COG5: variants seen among roughly 807,000 people sequenced by gnomAD.
The protein encoded by COG5 is conserved oligomeric Golgi complex subunit 5.
A neutral mutation model predicts 110.4 loss-of-function variants in COG5; 86 were observed. That is an observed-to-expected ratio of 0.78 (90% CI 0.65 to 0.93). The LOEUF is 0.93. Ranked by LOEUF, COG5 falls within the 40% of genes least tolerant of loss-of-function variation. The probability of loss-of-function intolerance (pLI) is 0.00; values close to 1 mark genes in which losing one functional copy is unlikely to be tolerated. For missense variants in COG5, 1,077 were observed against 987.0 expected, an observed-to-expected ratio of 1.09 and a Z score of -1.22; for synonymous variants, 360 against 334.6, an observed-to-expected ratio of 1.08 and a Z score of -0.83.
intron 5 of COG5, among the ~76,000 whole-genome samples, chr7:107,546,223 C>A (rs940992378): frequency 6.6e-6 from 1 of 152,038 alleles, no homozygotes; most frequent in Non-Finnish European, 1.5e-5. Context: ...AAAAGCAGTT[C>A]TAAGACGAAA....
chr7:107,251,734 G>A (rs1487018630), intron 16 of COG5, among the ~76,000 whole-genome samples: 1 of 152,114 alleles, frequency 6.6e-6, no homozygotes, highest in Non-Finnish European at 1.5e-5. Flanking sequence ...AACGTTAAAT[G>A]TTTATTTGTG....
chr7:107,529,119 C>T (rs1800991448), intron 5 of COG5, among the ~76,000 whole-genome samples: 1 of 149,434 alleles, frequency 6.7e-6, no homozygotes, highest in Non-Finnish European at 1.5e-5. Flanking sequence ...TATCCGTTTT[C>T]TGAATAGATA....
chr7:107,507,774 A>G (rs1799139828), intron 6 of COG5, among the ~76,000 whole-genome samples: 1 of 152,178 alleles, frequency 6.6e-6, no homozygotes, highest in South Asian at 2.1e-4. Flanking sequence ...TTGTTTTATC[A>G]GATTAAGAAA....
chr7:107,261,253 G>C (rs1008155854), intron 14 of COG5, among the ~76,000 whole-genome samples: 2 of 151,996 alleles, frequency 1.3e-5, no homozygotes, highest in Non-Finnish European at 2.9e-5. Context: ...AAGGAATACT[G>C]TATGTTCTCT....
intron 14 of COG5, among the ~76,000 whole-genome samples, chr7:107,262,662 C>G (rs567895791): frequency 1.3e-5 from 2 of 152,086 alleles, no homozygotes; most frequent in African/African-American, 2.4e-5. Flanking sequence ...TGCTCCTAAG[C>G]CCCTAGGAGA....
intron 6 of COG5, among the ~76,000 whole-genome samples, chr7:107,514,489 A>G (rs1385581029): frequency 1.3e-5 from 2 of 152,214 alleles, no homozygotes; most frequent in African/African-American, 4.8e-5. Flanking sequence ...AGAAAGTACA[A>G]TAATAATGTG....
chr7:107,262,878 A>G (rs971630218), intron 14 of COG5, among the ~76,000 whole-genome samples: 2 of 152,216 alleles, frequency 1.3e-5, no homozygotes, highest in African/African-American at 4.8e-5. Flanking sequence ...GGAACTAATA[A>G]TACAGTTTAT....
At chr7:107,364,834 A>T (rs1813452421) in intron 8 of COG5, among the ~76,000 whole-genome samples, 1 of 152,104 alleles carries the variant, frequency 6.6e-6, no homozygotes, top group Non-Finnish European at 1.5e-5. Flanking sequence ...TATGAGAAAG[A>T]TGTTGGCTTA....
In COG5 at chr7:107,511,717, C is replaced by T. The variant is rs534341027; in HGVS notation, c.538+15520G>A. Among the ~76,000 whole-genome samples the T allele has an allele frequency of 2.1e-4, 32 of 152,290 alleles. 1 individual carries two copies. The East Asian group carries it at 5.8e-3, about 28-fold the overall frequency. The stretch of plus-strand genomic sequence containing the variant: ...CTACCATGATCAAGTGGGCTTCATC[C>T]CTGGGATGCAAGGCTGGTTTAACAT... On this transcript the variant is annotated intron_variant, in intron 6 of 21. Transcript: ENST00000297135.
At chr7:107,516,841 C>G (rs1799955678) in intron 6 of COG5, among the ~76,000 whole-genome samples, 1 of 152,120 alleles carries the variant, frequency 6.6e-6, no homozygotes, top group Non-Finnish European at 1.5e-5. Flanking sequence ...CACAAAAACC[C>G]CACCCAAAGG....
intron 16 of COG5, among the ~76,000 whole-genome samples, chr7:107,251,205 C>T (rs1802478814): frequency 6.7e-6 from 1 of 149,468 alleles, no homozygotes. Context: ...TATCAGAAAG[C>T]ATGGAGGCCA....
Position 107,364,131 on chromosome 7 carries a change from A to G in COG5, c.836-1711T>C, listed in dbSNP as rs529612549. On this transcript the variant is annotated intron_variant, in intron 8 of 21. Coordinates refer to ENST00000297135, the MANE Select transcript of COG5 (RefSeq NM_006348.5). ...CAGCAATAATGAAACAAACTGAAAT[A>G]ATTTTGTTTTCCTGATATGATGTAA... Among the ~76,000 whole-genome samples, 38 of 152,336 alleles carry G rather than the reference A, an allele frequency of 2.5e-4. 2 individuals are homozygous for G. The South Asian group carries it at 7.7e-3, about 31-fold the overall frequency.
chr7:107,397,612 C>T (rs748014619), intron 7 of COG5, among the ~76,000 whole-genome samples: 47 of 152,176 alleles, frequency 3.1e-4, no homozygotes, highest in Non-Finnish European at 5.9e-4. Flanking sequence ...TGTATCAACT[C>T]ATTACTCTAT....
chr7:107,476,355 T>C (rs1461431299), intron 6 of COG5, among the ~76,000 whole-genome samples: 1 of 151,194 alleles, frequency 6.6e-6, no homozygotes, highest in Non-Finnish European at 1.5e-5. Flanking sequence ...AAGCCTCTAA[T>C]ATTAGATACA....
At chr7:107,251,412 A>G (rs1802493012) in intron 16 of COG5, among the ~76,000 whole-genome samples, 1 of 152,146 alleles carries the variant, frequency 6.6e-6, no homozygotes, top group African/African-American at 2.4e-5. Flanking sequence ...ATGATTTAAA[A>G]TAATCATTAA....
intron 12 of COG5, 71 bp from the exon 13 acceptor site, chr7:107,283,803 A>C: frequency 1.8e-6 from 2 of 1,118,300 alleles, no homozygotes; most frequent in Non-Finnish European, 2.7e-6. Flanking sequence ...TCAGGCTGTA[A>C]ATACCTTTTT....
chr7:107,263,905 CTAAAAG>C (rs949305213), intron 14 of COG5, among the ~76,000 whole-genome samples: 9 of 151,972 alleles, frequency 5.9e-5, no homozygotes, highest in African/African-American at 2.2e-4. Context: ...TGCCTGAGGA[CTAAAAG>C]TAAAAGAAAT....
intron 19 of COG5, among the ~76,000 whole-genome samples, chr7:107,218,902 G>T (rs1799707095): frequency 1.3e-5 from 2 of 151,970 alleles, no homozygotes; most frequent in Admixed American, 1.3e-4. Flanking sequence ...CACAGCAAAA[G>T]AAATAATGAG....
intron 11 of COG5, among the ~76,000 whole-genome samples, chr7:107,317,773 AGGTCT>A (rs1808882297): frequency 6.6e-6 from 1 of 152,166 alleles, no homozygotes; most frequent in South Asian, 2.1e-4. Flanking sequence ...GAAAAATATC[AGGTCT>A]GATGGAAAGA....
Sources: allele counts gnomAD v4.1 joint callset (sites outside exome capture counted in the v4.1 genomes callset), GRCh38; gene constraint gnomAD v4.1.1; transcripts MANE v1.5; gene names NCBI Gene and HGNC (gene_info 2026-07-23, HGNC 2026-07-21).